MSL2: variants seen among roughly 807,000 people sequenced by gnomAD.
MSL2 encodes the protein MSL complex subunit 2.
In MSL2, 2 loss-of-function variants were observed where a neutral mutation model predicts 35.8. The ratio of observed to expected loss-of-function variants is 0.06; its 90% CI spans 0.02 to 0.18. The LOEUF (loss-of-function observed/expected upper bound fraction) is 0.18. Among genes scored for constraint, MSL2 ranks in the 10% least tolerant of loss-of-function variants. The pLI is 1.00. For missense variants in MSL2, 523 were observed against 706.7 expected, an observed-to-expected ratio of 0.74 and a Z score of 2.95; for synonymous variants, 296 against 255.7, an observed-to-expected ratio of 1.16 and a Z score of -1.50.
rs186235735 is a variant in MSL2, at chr3:136,166,245, G to T, written c.143-13507C>A. The stretch of plus-strand genomic sequence containing the variant: ...TCTACTAAAAATACAAAAATTAGCC[G>T]GGCGTGGTGACAGACGCCTATAATC... On this transcript the variant is annotated intron_variant, in intron 1 of 1. Coordinates refer to ENST00000309993, the MANE Select transcript of MSL2 (RefSeq NM_018133.4). Among the ~76,000 whole-genome samples, 263 of 151,772 alleles carry T rather than the reference G, an allele frequency of 1.7e-3. 3 individuals are homozygous for T. Among genetic ancestry groups the T allele is most frequent in the African/African-American group, 6.3e-3 (259 of 41,406 alleles).
At position 136,151,470 on chromosome 3, in the gene MSL2, G is replaced by T; in HGVS notation, c.1411C>A (p.Pro471Thr). 1 of 1,614,212 alleles carries T rather than the reference G, an allele frequency of 6.2e-7. No homozygotes were observed. Among genetic ancestry groups the T allele is most frequent in the Non-Finnish European group, 8.5e-7 (1 of 1,180,042 alleles). Residue 471 changes from proline (P) to threonine (T), a missense_variant, in exon 2 of 2, where the codon CCA (proline) becomes ACA (threonine). Coordinates refer to ENST00000309993, the MANE Select transcript of MSL2 (RefSeq NM_018133.4). The surrounding 1 kb of genome is among the most constrained non-coding windows in gnomAD (Gnocchi z 5.2). ...TGGCCTCGGCATGTAAGAACACTTGGATTTTGAGTAGCACGCCCACATTTA... is the reference window on the plus strand; with the variant it reads ...TGGCCTCGGCATGTAAGAACACTTGTATTTTGAGTAGCACGCCCACATTTA... ...GCKCGRATQN[P>T]SVLTCRGQRC...
intron 1 of MSL2, among the ~76,000 whole-genome samples, chr3:136,160,884 C>T (rs530053876): frequency 9.2e-5 from 14 of 152,022 alleles, no homozygotes; most frequent in African/African-American, 3.1e-4. Context: ...GTCAGGAGAT[C>T]GAGACGATCC....
intron 1 of MSL2, among the ~76,000 whole-genome samples, chr3:136,183,981 T>C (rs766982858): frequency 2.0e-5 from 3 of 152,176 alleles, no homozygotes; most frequent in African/African-American, 4.8e-5. Context: ...CACAAAATAA[T>C]TGAAGATCAC....
Position 136,152,481 on chromosome 3 carries a change from T to C in MSL2, c.400A>G (p.Asn134Asp). Residue 134 changes from asparagine (N) to aspartate (D), a missense_variant, in exon 2 of 2, where the codon AAT becomes GAT. Transcript: ENST00000309993. ...TCCTCACAAAACAATGATCCATCAT[T>C]AAGCAAAGCCAAAATATCAGAAGAA... ...DCSSDILALL[N>D]DGSLFCEETE... The C allele has an allele frequency of 1.2e-6, 2 of 1,614,212 alleles. No homozygotes were observed. The highest frequency in any genetic ancestry group is 2.2e-5 in the East Asian group (1 of 44,884).
At chr3:136,185,269 C>T (rs1940485916) in intron 1 of MSL2, among the ~76,000 whole-genome samples, 1 of 149,982 alleles carries the variant, frequency 6.7e-6, no homozygotes, top group Non-Finnish European at 1.5e-5. Flanking sequence ...AGCCACTGTG[C>T]TCAGCCCAAT....
intron 1 of MSL2, among the ~76,000 whole-genome samples, chr3:136,177,164 T>G (rs1576369128): frequency 6.6e-6 from 1 of 152,258 alleles, no homozygotes; most frequent in African/African-American, 2.4e-5. Flanking sequence ...AATAACAAAC[T>G]AAGGTTTTGA....
At chr3:136,170,707 G>C (rs2108076161) in intron 1 of MSL2, among the ~76,000 whole-genome samples, 1 of 151,828 alleles carries the variant, frequency 6.6e-6, no homozygotes, top group South Asian at 2.1e-4. Flanking sequence ...CATTCACTAT[G>C]TTGGCCAGGA....
intron 1 of MSL2, among the ~76,000 whole-genome samples, chr3:136,180,842 G>T (rs1022358975): frequency 6.0e-4 from 89 of 148,752 alleles, no homozygotes; most frequent in African/African-American, 2.0e-3. Flanking sequence ...AGGAAGGAAG[G>T]AAGGAAGGAA....
chr3:136,155,939 C>T, intron 1 of MSL2: 1 of 521,406 alleles, frequency 1.9e-6, no homozygotes, highest in Admixed American at 2.1e-5. Context: ...TCCAGAACTA[C>T]TACTGTCTGC....
Position 136,151,814 on chromosome 3 carries a change from G to C in MSL2, c.1067C>G (p.Pro356Arg). 1 of 1,614,166 alleles carries C rather than the reference G, an allele frequency of 6.2e-7. No homozygotes were observed. Among genetic ancestry groups the C allele is most frequent in the Non-Finnish European group, 8.5e-7 (1 of 1,180,028 alleles). The part of the protein sequence containing the change: ...ESDSEKVQPL[P>R]ISTIIRGPTL... ...TGGGCCTCGGATAATGGTAGAAATT[G>C]GAAGTGGCTGAACTTTCTCACTGTC... Residue 356 changes from proline to arginine, a missense_variant, in exon 2 of 2, where the codon CCA becomes CGA. Around this residue, in one of 5 missense-constraint regions of MSL2, gnomAD observed 361 missense variants for 414.6 expected, o/e 0.87. Coordinates refer to ENST00000309993, the MANE Select transcript of MSL2 (RefSeq NM_018133.4). This position sits in a 1 kb window ranked among gnomAD's most constrained non-coding sequence, Gnocchi z 5.2.
Position 136,194,964 on chromosome 3 carries a change from C to G in MSL2, c.142+8G>C. The G allele has an allele frequency of 6.2e-7, 1 of 1,613,480 alleles. No individual in the cohort carries two copies. The highest frequency in any genetic ancestry group is 8.5e-7 in the Non-Finnish European group (1 of 1,179,892). ...GCATTGAAAAGGGAACAATAAAAAG[C>G]GTCTCACCGCAAACACAGCACGAAA... On this transcript the variant is annotated splice_region_variant and intron_variant, in intron 1 of 1. Coordinates refer to ENST00000309993, the MANE Select transcript of MSL2 (RefSeq NM_018133.4).
At chr3:136,155,177 T>C (rs1191702158) in intron 1 of MSL2, among the ~76,000 whole-genome samples, 7 of 148,124 alleles carry the variant, frequency 4.7e-5, no homozygotes, top group Non-Finnish European at 7.4e-5. Flanking sequence ...GCCACTGCAC[T>C]CCAGCCTGGC....
chr3:136,175,715 G>C (rs988089948), intron 1 of MSL2, among the ~76,000 whole-genome samples: 4 of 152,158 alleles, frequency 2.6e-5, no homozygotes, highest in Non-Finnish European at 4.4e-5. Flanking sequence ...GTCTGAGATA[G>C]GGCCGGAACA....
intron 1 of MSL2, among the ~76,000 whole-genome samples, chr3:136,178,058 T>C (rs1940233443): frequency 6.6e-6 from 1 of 152,194 alleles, no homozygotes; most frequent in Non-Finnish European, 1.5e-5. Flanking sequence ...TCATAGGTTA[T>C]TAAAAATGGA....
chr3:136,185,432 T>C (rs909151889), intron 1 of MSL2, among the ~76,000 whole-genome samples: 11 of 151,244 alleles, frequency 7.3e-5, no homozygotes, highest in Admixed American at 2.0e-4. Context: ...TCTAACCTTA[T>C]CTAAAATACT....
At chr3:136,159,354 C>CTTTTTTTTTTTTTTTTTTTTTTTT (rs71157361) in intron 1 of MSL2, among the ~76,000 whole-genome samples, 4 of 70,054 alleles carry the variant, frequency 5.7e-5, no homozygotes, top group Admixed American at 1.7e-4. Context: ...AGAGTACTTT[C>CTTTTTTTTTTTTTTTTTTTTTTTT]TTTTTTTTTT....
intron 1 of MSL2, among the ~76,000 whole-genome samples, chr3:136,183,298 G>A (rs1289535034): frequency 6.6e-6 from 1 of 152,174 alleles, no homozygotes; most frequent in African/African-American, 2.4e-5. Flanking sequence ...GCTCACTCCT[G>A]TAACCCCAGC....
chr3:136,155,216 A>C (rs1411274647), intron 1 of MSL2, among the ~76,000 whole-genome samples: 1 of 151,830 alleles, frequency 6.6e-6, no homozygotes, highest in African/African-American at 2.4e-5. Context: ...GGAAAAAAAA[A>C]AAAAGACGCT....
At chr3:136,154,827 G>A (rs897002590) in intron 1 of MSL2, among the ~76,000 whole-genome samples, 4 of 150,696 alleles carry the variant, frequency 2.7e-5, no homozygotes, top group South Asian at 4.1e-4. Flanking sequence ...AGAGGCAGAG[G>A]TGGACACTCA....
Sources: gnomAD v4.1 joint callset for allele counts (sites outside exome capture counted in the v4.1 genomes callset) on GRCh38, gnomAD v4.1.1 for gene constraint, gnomAD v4.1.1 regional missense constraint, Gnocchi (gnomAD v3.1) non-coding constraint, MANE v1.5 for transcripts, NCBI Gene and HGNC (gene_info 2026-07-23, HGNC 2026-07-21) for gene names.